GTPBP1: variants seen among roughly 807,000 people sequenced by gnomAD.
GTPBP1 encodes the protein GTP binding protein 1.
A neutral mutation model predicts 62.0 loss-of-function variants in GTPBP1; 23 were observed. The observed-to-expected ratio is 0.37, with a 90% confidence interval of 0.27 to 0.53. The LOEUF is 0.53. GTPBP1 is among the 20% of genes least tolerant of loss of function. The pLI is 0.89. For missense variants in GTPBP1, 640 were observed against 917.3 expected, an observed-to-expected ratio of 0.70 and a Z score of 3.90; for synonymous variants, 344 against 364.4, an observed-to-expected ratio of 0.94 and a Z score of 0.64.
chr22:38,724,336 G>C lies in GTPBP1; in HGVS notation c.998G>C (p.Gly333Ala). The change falls in exon 6 of 12, where the codon GGC becomes GCC. Residue 333 changes from glycine (G) to alanine (A), a missense_variant. Coordinates refer to ENST00000216044, the MANE Select transcript of GTPBP1 (RefSeq NM_004286.5). ...TTACAGCGCCTGCTGAAGTCACCAG[G>C]CTGCCGGAAGATCCCCGTGCTGGTG... Reference protein sequence around the residue: ...KLLQRLLKSPGCRKIPVLVQS... With the variant: ...KLLQRLLKSPACRKIPVLVQS... The C allele has an allele frequency of 6.2e-7, 1 of 1,613,614 alleles. No individual in the cohort carries two copies. Among genetic ancestry groups the C allele is most frequent in the Non-Finnish European group, 8.5e-7 (1 of 1,179,606 alleles).
chr22:38,724,132 T>G (rs1443588553), intron 5 of GTPBP1, among the ~76,000 whole-genome samples, 165 bp from the exon 6 acceptor site: 2 of 151,994 alleles, frequency 1.3e-5, no homozygotes, highest in African/African-American at 4.8e-5. Flanking sequence ...CACCCAAAGT[T>G]TTGATCCTCC....
At chr22:38,711,650 T>A (rs968417029) in intron 2 of GTPBP1, among the ~76,000 whole-genome samples, 4 of 152,100 alleles carry the variant, frequency 2.6e-5, no homozygotes, top group Admixed American at 1.3e-4. Context: ...GAGACCAGCC[T>A]GGCTAACATA....
chr22:38,716,731 C>T lies in GTPBP1; in HGVS notation c.565C>T (p.Arg189Ter), dbSNP rs971840273. 1 of 1,614,030 alleles carries T rather than the reference C, an allele frequency of 6.2e-7. No homozygotes were observed. Among genetic ancestry groups the T allele is most frequent in the Non-Finnish European group, 8.5e-7 (1 of 1,179,980 alleles). Residue 189 changes from arginine (R) to a stop codon, truncating the protein, a stop_gained, in exon 4 of 12, where the codon CGA becomes TGA. Transcript: ENST00000216044. LOFTEE classifies it high-confidence loss of function. The surrounding 1 kb of genome is among the most constrained non-coding windows in gnomAD (Gnocchi z 5.2). ...VLTHGELDNG[R>*]GFARQKLFRH... is the part of the protein sequence containing the mutation. Reference sequence around the variant, plus strand: ...GACACATGGGGAGCTGGACAATGGCCGAGGCTTTGCCCGCCAGAAACTCTT... The same window carrying T: ...GACACATGGGGAGCTGGACAATGGCTGAGGCTTTGCCCGCCAGAAACTCTT...
At chr22:38,721,918 C>T in intron 5 of GTPBP1, 53 bp downstream of exon 5, 1 of 1,438,004 alleles carries the variant, frequency 7.0e-7, no homozygotes, top group Non-Finnish European at 9.5e-7. Context: ...CTGTCACCTG[C>T]TGTGCCTTCA....
rs1417688123 is a variant in GTPBP1, at chr22:38,727,330, C to G, written c.1519C>G (p.Pro507Ala). 1.9e-6 allele frequency: 3 copies of G among 1,584,288 alleles called. No individual in the cohort carries two copies. The highest frequency in any genetic ancestry group is 2.6e-6 in the Non-Finnish European group (3 of 1,164,478). Reference sequence around the variant, plus strand: ...CCTCCACCACCCCACCACAATTAGCCCGCGCTACCAGGCCATGGGTAGGTG... The same window carrying G: ...CCTCCACCACCCCACCACAATTAGCGCGCGCTACCAGGCCATGGGTAGGTG... ...LVLHHPTTIS[P>A]RYQAMVHCGS... Residue 507 changes from proline to alanine, a missense_variant, in exon 9 of 12, where the codon CCG becomes GCG. Pro to Ala is a conservative substitution (Grantham distance 27). This residue lies in a region of GTPBP1 where 220 missense variants were observed against 358.1 expected (regional missense o/e 0.61). Transcript: ENST00000216044. This position sits in a 1 kb window ranked among gnomAD's most constrained non-coding sequence, Gnocchi z 6.5.
downstream of GTPBP1, chr22:38,742,541 A>G (rs758769460): frequency 8.7e-6 from 14 of 1,611,786 alleles, no homozygotes; most frequent in Non-Finnish European, 1.2e-5. Flanking sequence ...CCCGGGACAT[A>G]ACACGCTGCT....
chr22:38,706,972 A>G (rs372306003), intron 1 of GTPBP1: 2 of 152,240 alleles, frequency 1.3e-5, no homozygotes, highest in South Asian at 4.1e-4. Flanking sequence ...AAGAATGCCA[A>G]CTTGGGAGTC....
chr22:38,734,733 C>T (rs576284168), downstream of GTPBP1: 16 of 174,602 alleles, frequency 9.2e-5, no homozygotes, highest in Admixed American at 6.7e-4. Flanking sequence ...CATCCCACAG[C>T]TCTTGGGCGT....
chr22:38,712,863 T>C (rs184218991), intron 2 of GTPBP1, among the ~76,000 whole-genome samples: 171 of 152,338 alleles, frequency 1.1e-3, no homozygotes, highest in Non-Finnish European at 2.0e-3. Flanking sequence ...CACTTTGCCG[T>C]GCATTTAGAA....
intron 6 of GTPBP1, chr22:38,725,132 T>C (rs1465880103): frequency 6.6e-6 from 1 of 152,348 alleles, no homozygotes; most frequent in Non-Finnish European, 1.5e-5. Context: ...TGATCTTCAG[T>C]ACCATCAGTT....
At position 38,716,412 on chromosome 22, in the gene GTPBP1, C is replaced by T. The variant is rs2092670830; in HGVS notation, c.486-240C>T. ...CCTTGCGGCTCTTCCTGGCAGCACC[C>T]AGAAGCTAGTGGGAGTTAAGGGAGA... On this transcript the variant is annotated intron_variant, in intron 3 of 11. Coordinates refer to ENST00000216044, the MANE Select transcript of GTPBP1 (RefSeq NM_004286.5). This position sits in a 1 kb window ranked among gnomAD's most constrained non-coding sequence, Gnocchi z 5.2. Among the ~76,000 whole-genome samples, 1 of 152,178 alleles carries T rather than the reference C, an allele frequency of 6.6e-6. No individual in the cohort carries two copies. The highest frequency in any genetic ancestry group is 6.5e-5 in the Admixed American group (1 of 15,282).
chr22:38,740,017 C>T, downstream of GTPBP1: 1 of 1,518,778 alleles, frequency 6.6e-7, no homozygotes, highest in Non-Finnish European at 9.0e-7. This position sits in a 1 kb window ranked among gnomAD's most constrained non-coding sequence, Gnocchi z 4.8. Context: ...AGGGCTAGTG[C>T]TTAGCTGGAT....
rs780395009 is a variant in GTPBP1, at chr22:38,727,375, A to G, written c.1537+27A>G. On this transcript the variant is annotated intron_variant, in intron 9 of 11. Transcript: ENST00000216044. The surrounding 1 kb of genome is among the most constrained non-coding windows in gnomAD (Gnocchi z 6.5). Reference sequence around the variant, plus strand: ...TAGGTGTCTAAGGCCCTGCCAGCCCAGGAGGCCGTCGTGTTAGCTCCCCTC... The same window carrying G: ...TAGGTGTCTAAGGCCCTGCCAGCCCGGGAGGCCGTCGTGTTAGCTCCCCTC... 7.9e-6 allele frequency: 12 copies of G among 1,513,684 alleles called. No homozygotes were observed. The South Asian group carries it at 1.1e-4, about 14-fold the overall frequency. 93.8% of individuals were successfully genotyped at this position (1,513,684 alleles called of 1,614,324 possible). A position where few individuals can be genotyped will look rare whatever the true frequency, so the allele number is the denominator to read the frequency against.
rs1397445199 is a variant in GTPBP1, at chr22:38,730,465, C to T, written c.1918-147C>T. On this transcript the variant is annotated intron_variant, in intron 11 of 11. Coordinates refer to ENST00000216044, the MANE Select transcript of GTPBP1 (RefSeq NM_004286.5). This position sits in a 1 kb window ranked among gnomAD's most constrained non-coding sequence, Gnocchi z 5.6. The stretch of plus-strand genomic sequence containing the variant: ...GGGGAGGTGCTGCATGCAGAGTGAC[C>T]CAGTAAATTCCTGGTCAGGCTAGGG... The T allele has an allele frequency of 4.8e-6, 3 of 622,298 alleles. No homozygotes were observed. In the East Asian group the frequency reaches 8.5e-5, roughly 18 times the overall value. The allele number at this position is 622,298 out of a possible 1,614,324, so 38.5% of individuals were successfully genotyped here. A position where few individuals can be genotyped will look rare whatever the true frequency, so the allele number is the denominator to read the frequency against.
chr22:38,726,660 C>T lies in GTPBP1; in HGVS notation c.1401+220C>T, dbSNP rs183177750. Among the ~76,000 whole-genome samples, 182 of 152,290 alleles carry T rather than the reference C, an allele frequency of 1.2e-3. 8 individuals carry two copies. The South Asian group carries it at 0.036, about 30-fold the overall frequency. On this transcript the variant is annotated intron_variant, in intron 8 of 11. Coordinates refer to ENST00000216044, the MANE Select transcript of GTPBP1 (RefSeq NM_004286.5). This position sits in a 1 kb window ranked among gnomAD's most constrained non-coding sequence, Gnocchi z 4.1. ...GCGAGGAATGCCTCCTTCTAAGCTC[C>T]GTTCCTCCCTCTGGTGCCTGAGCAG... is the stretch of plus-strand genomic sequence containing the variant.
intron 11 of GTPBP1, among the ~76,000 whole-genome samples, 174 bp downstream of exon 11, chr22:38,729,836 AG>A (rs2092747421): frequency 6.6e-6 from 1 of 152,254 alleles, no homozygotes; most frequent in African/African-American, 2.4e-5. Flanking sequence ...GCTATAAGGC[AG>A]TGCTTCCAAA....
At chr22:38,736,306 G>A, downstream of GTPBP1, 1 of 1,614,064 alleles carries the variant, frequency 6.2e-7, no homozygotes, top group Non-Finnish European at 8.5e-7. Context: ...AGCGGTAGAT[G>A]CAGGTGTACT....
chr22:38,741,158 A>C (rs2092854224), downstream of GTPBP1: 1 of 1,274,670 alleles, frequency 7.8e-7, no homozygotes, highest in South Asian at 1.3e-5. Flanking sequence ...ACCCCTGCCC[A>C]AGGTCTCTTG....
At chr22:38,739,712 T>G, downstream of GTPBP1, 1 of 1,612,258 alleles carries the variant, frequency 6.2e-7, no homozygotes. This position sits in a 1 kb window ranked among gnomAD's most constrained non-coding sequence, Gnocchi z 6.7. Context: ...GAGGGGCATG[T>G]GGGCCTCACC....
Sources: allele counts gnomAD v4.1 joint callset (sites outside exome capture counted in the v4.1 genomes callset), GRCh38; gene constraint gnomAD v4.1.1; regional missense constraint gnomAD v4.1.1; non-coding constraint Gnocchi (gnomAD v3.1); transcripts MANE v1.5; gene names NCBI Gene and HGNC (gene_info 2026-07-23, HGNC 2026-07-21).